The following ROBO2 variants were observed in gnomAD, a reference collection of about 807,000 sequenced individuals.
The protein encoded by ROBO2 is roundabout homolog 2.
Under a neutral mutation model 160.8 loss-of-function variants are expected in ROBO2, and 53 were observed. The observed-to-expected ratio is 0.33, with a 90% CI of 0.26 to 0.41. ROBO2 has a LOEUF of 0.41. ROBO2 is among the 10% of genes least tolerant of loss of function. ROBO2 has a pLI of 1.00. For synonymous variants in ROBO2, 664 were observed against 611.7 expected, an observed-to-expected ratio of 1.09 and a Z score of -1.26; for missense variants, 1,577 against 1,722.4, an observed-to-expected ratio of 0.92 and a Z score of 1.49.
At chr3:76,547,664 T>C (rs1461867054) in intron 2 of ROBO2, among the ~76,000 whole-genome samples, 3 of 152,136 alleles carry the variant, frequency 2.0e-5, no homozygotes, top group Non-Finnish European at 1.5e-5. Flanking sequence ...TTATTTGTGA[T>C]ACTTCTAATT....
chr3:77,011,454 G>C (rs954516504), intron 2 of ROBO2, among the ~76,000 whole-genome samples: 2 of 151,994 alleles, frequency 1.3e-5, no homozygotes, highest in East Asian at 1.9e-4. Flanking sequence ...CTTTCACCCT[G>C]CTAAGTGCCA....
chr3:77,538,304 G>C (rs1037707670), intron 6 of ROBO2, among the ~76,000 whole-genome samples: 2 of 148,272 alleles, frequency 1.3e-5, no homozygotes, highest in African/African-American at 5.0e-5. Flanking sequence ...TCAGCCTCCC[G>C]AGTAGCTGGG....
At chr3:77,102,807 A>G (rs2072162391) in intron 2 of ROBO2, among the ~76,000 whole-genome samples, 1 of 151,424 alleles carries the variant, frequency 6.6e-6, no homozygotes, top group South Asian at 2.1e-4. Context: ...CAATCATTGC[A>G]ATGAATCACC....
chr3:76,219,750 AT>A (rs1364355514), intron 2 of ROBO2, among the ~76,000 whole-genome samples: 5 of 152,226 alleles, frequency 3.3e-5, no homozygotes, highest in Non-Finnish European at 7.3e-5. Flanking sequence ...TAGTTCAACC[AT>A]TGTGGAAGTC....
In ROBO2 at chr3:77,008,422, T is replaced by A. The variant is rs371158583; in HGVS notation, c.110-89592T>A. On this transcript the variant is annotated intron_variant, in intron 2 of 26. Transcript: ENST00000487694. ...TGCTGCCTATATGTATATGACTGAC[T>A]CATATTCCAAAGTGATAATAGATAA... Among the ~76,000 whole-genome samples the A allele has an allele frequency of 2.0e-5, 3 of 152,180 alleles. No homozygotes were observed. In the East Asian group the frequency reaches 5.8e-4, roughly 29 times the overall value.
chr3:76,416,171 A>G (rs1192305996), intron 2 of ROBO2, among the ~76,000 whole-genome samples: 7 of 151,720 alleles, frequency 4.6e-5, no homozygotes, highest in Admixed American at 4.6e-4. Context: ...AAAAAATAAT[A>G]ATAAAATAAA....
At chr3:77,346,850 T>C (rs115729299) in intron 2 of ROBO2, among the ~76,000 whole-genome samples, 1,937 of 152,256 alleles carry the variant, frequency 0.013, 22 homozygotes, top group Middle Eastern at 0.017. Flanking sequence ...TTAATCCCTT[T>C]CTCCTTTGTC....
chr3:76,061,307 A>G (rs1000147422), intron 2 of ROBO2, among the ~76,000 whole-genome samples: 4 of 152,200 alleles, frequency 2.6e-5, no homozygotes, highest in African/African-American at 9.6e-5. Context: ...AACCAAGTTA[A>G]TAATTAGGAA....
At chr3:77,277,062 T>A (rs1051418593) in intron 2 of ROBO2, among the ~76,000 whole-genome samples, 1 of 152,008 alleles carries the variant, frequency 6.6e-6, no homozygotes, top group Non-Finnish European at 1.5e-5. Flanking sequence ...ATCAGCAACA[T>A]AGTGAAAACC....
chr3:77,327,224 C>T (rs559470296), intron 2 of ROBO2, among the ~76,000 whole-genome samples: 2 of 152,228 alleles, frequency 1.3e-5, no homozygotes, highest in Admixed American at 1.3e-4. Context: ...TTCTGCATAG[C>T]GGCAGTTCTA....
At chr3:76,358,252 C>T (rs1019846625) in intron 2 of ROBO2, among the ~76,000 whole-genome samples, 9 of 151,974 alleles carry the variant, frequency 5.9e-5, no homozygotes, top group Non-Finnish European at 1.3e-4. Flanking sequence ...TTTTTCCCCA[C>T]TCCAAAAAGG....
chr3:77,134,068 C>T (rs947836744), intron 2 of ROBO2, among the ~76,000 whole-genome samples: 3 of 152,042 alleles, frequency 2.0e-5, no homozygotes, highest in South Asian at 2.1e-4. Flanking sequence ...CCCAACTACT[C>T]GAGAGGCTGA....
intron 2 of ROBO2, among the ~76,000 whole-genome samples, chr3:76,884,497 A>G (rs1468650878): frequency 2.0e-5 from 3 of 152,146 alleles, no homozygotes; most frequent in Non-Finnish European, 4.4e-5. Flanking sequence ...CAGCAGAGAA[A>G]CCTTGCACAG....
At chr3:76,641,969 C>T (rs946997431) in intron 2 of ROBO2, among the ~76,000 whole-genome samples, 3 of 152,122 alleles carry the variant, frequency 2.0e-5, no homozygotes, top group African/African-American at 7.2e-5. Context: ...ATCCTCCTGC[C>T]TCAGCCTCCC....
At chr3:76,487,864 A>G (rs1180861098) in intron 2 of ROBO2, among the ~76,000 whole-genome samples, 1 of 152,098 alleles carries the variant, frequency 6.6e-6, no homozygotes, top group Admixed American at 6.5e-5. Context: ...ATCTCCGTGG[A>G]CCCTTTCACA....
At chr3:77,228,971 C>T (rs1560290911) in intron 2 of ROBO2, among the ~76,000 whole-genome samples, 1 of 152,186 alleles carries the variant, frequency 6.6e-6, no homozygotes, top group African/African-American at 2.4e-5. Flanking sequence ...GACTCAACAT[C>T]AAATCTGTCT....
intron 2 of ROBO2, among the ~76,000 whole-genome samples, chr3:76,267,210 CTT>C (rs1166166004): frequency 2.0e-5 from 3 of 152,128 alleles, no homozygotes; most frequent in African/African-American, 4.8e-5. Context: ...CAAACCATCT[CTT>C]TGTCCATATA....
rs1196881776 is a variant in ROBO2 at position 77,044,536 on chromosome 3, TCTC to T, written c.61+3697_61+3699del. 1.8e-4 allele frequency among the ~76,000 whole-genome samples: 27 copies of T among 152,284 alleles called. No homozygotes were observed. In the East Asian group the frequency reaches 1.9e-3, roughly 11 times the overall value. On this transcript the variant is annotated intron_variant, in intron 1 of 25. Coordinates refer to ENST00000461745, the Ensembl canonical transcript of ROBO2. The stretch of plus-strand genomic sequence containing the variant: ...TTCATCGTCTCTTTCCTTTTCTTAT[TCTC>T]CTCCTCTTTTTTTCTTTTTTGGATC...
At chr3:76,613,018 T>A (rs1192117623) in intron 2 of ROBO2, among the ~76,000 whole-genome samples, 1 of 152,124 alleles carries the variant, frequency 6.6e-6, no homozygotes, top group Non-Finnish European at 1.5e-5. Flanking sequence ...TCGGTCTTGT[T>A]TTTTTCTTCA....
Sources: gnomAD v4.1 joint callset for allele counts (sites outside exome capture counted in the v4.1 genomes callset) on GRCh38, gnomAD v4.1.1 for gene constraint, MANE v1.5 for transcripts, NCBI Gene and HGNC (gene_info 2026-07-23, HGNC 2026-07-21) for gene names.